SNTG1: variants seen among roughly 807,000 people sequenced by gnomAD.
SNTG1 encodes syntrophin gamma 1, also known as gamma-1-syntrophin.
Under a neutral mutation model 74.7 loss-of-function variants are expected in SNTG1, and 39 were observed. That is an observed-to-expected ratio of 0.52 (90% confidence interval 0.40 to 0.68). The LOEUF is 0.68. SNTG1 is among the 30% of genes least tolerant of loss of function. The pLI, the probability that SNTG1 is intolerant of heterozygous loss-of-function variation, is 0.00. For synonymous variants in SNTG1, 254 were observed against 217.1 expected (o/e 1.17, Z -1.49); for missense variants, 685 against 609.5 (o/e 1.12, Z -1.30).
chr8:50,283,417 C>T (rs2088585739), intron 2 of SNTG1, among the ~76,000 whole-genome samples: 1 of 152,190 alleles, frequency 6.6e-6, no homozygotes, highest in African/African-American at 2.4e-5. Context: ...AAATGATTGT[C>T]TGCAGATGGC....
chr8:50,693,774 A>G (rs73676395), intron 15 of SNTG1, among the ~76,000 whole-genome samples: 2 of 152,180 alleles, frequency 1.3e-5, no homozygotes, highest in Admixed American at 6.5e-5. Context: ...TTCAACCTCA[A>G]TAATATGAAA....
At chr8:50,575,983 T>A (rs2094574587) in intron 12 of SNTG1, among the ~76,000 whole-genome samples, 1 of 152,178 alleles carries the variant, frequency 6.6e-6, no homozygotes, top group South Asian at 2.1e-4. Flanking sequence ...GGGCTCAAAA[T>A]TAGTAGATTT....
At chr8:50,702,248 C>A (rs28647321) in intron 15 of SNTG1, among the ~76,000 whole-genome samples, 1 of 151,938 alleles carries the variant, frequency 6.6e-6, no homozygotes, top group African/African-American at 2.4e-5. Flanking sequence ...GATATTATAA[C>A]CCCAAAACTA....
chr8:50,315,299 T>C (rs1335127737), intron 2 of SNTG1, among the ~76,000 whole-genome samples: 4 of 149,778 alleles, frequency 2.7e-5, no homozygotes, highest in Non-Finnish European at 1.5e-5. Flanking sequence ...ATTGCTTTAC[T>C]GGAGCTAATG....
At chr8:50,035,452 C>T (rs1818075193) in intron 1 of SNTG1, among the ~76,000 whole-genome samples, 1 of 152,158 alleles carries the variant, frequency 6.6e-6, no homozygotes, top group South Asian at 2.1e-4. Context: ...CCCACATATC[C>T]TTATTTTCTG....
chr8:50,122,079 C>A lies in SNTG1; in HGVS notation c.-102-50482C>A, dbSNP rs1302338115. The stretch of plus-strand genomic sequence containing the variant: ...TCAGCACCATGTCCAACCCTCGATG[C>A]CCCCTGCCTTGGTTTAGGGACCCCC... On this transcript the variant is annotated intron_variant, in intron 1 of 18. Transcript: ENST00000642720. Among the ~76,000 whole-genome samples the A allele has an allele frequency of 1.4e-5, 2 of 140,704 alleles. 1 individual carries two copies. The highest frequency in any genetic ancestry group is 3.2e-5 in the Non-Finnish European group (2 of 63,406). 92.3% of individuals were successfully genotyped at this position (140,704 alleles called of 152,430 possible). A position where few individuals can be genotyped will look rare whatever the true frequency, so the allele number is the denominator to read the frequency against.
At position 50,228,867 on chromosome 8, in the gene SNTG1, A is replaced by T. The variant is rs188737216; in HGVS notation, c.-28+56232A>T. Among the ~76,000 whole-genome samples, 5 of 151,896 alleles carry T rather than the reference A, an allele frequency of 3.3e-5. No individual in the cohort carries two copies. The East Asian group carries it at 9.6e-4, about 29-fold the overall frequency. ...AGCACAGGAGGGGGAATACATTAAG[A>T]TATATTTAATGTGTTATTTGTTTAA... is the stretch of plus-strand genomic sequence containing the variant. On this transcript the variant is annotated intron_variant, in intron 2 of 18. Coordinates refer to ENST00000642720, the MANE Select transcript of SNTG1 (RefSeq NM_018967.5).
chr8:50,265,818 TA>T (rs750281440), intron 2 of SNTG1, among the ~76,000 whole-genome samples: 1 of 150,822 alleles, frequency 6.6e-6, no homozygotes, highest in East Asian at 1.9e-4. Context: ...TTAAATGAAA[TA>T]AAAAAACAAT....
intron 2 of SNTG1, among the ~76,000 whole-genome samples, chr8:50,360,506 A>G (rs1049097217): frequency 6.6e-6 from 1 of 152,144 alleles, no homozygotes; most frequent in Non-Finnish European, 1.5e-5. Context: ...TGCATCACTT[A>G]AGGACAGGGA....
chr8:50,176,155 G>A (rs1281239640), intron 2 of SNTG1, among the ~76,000 whole-genome samples: 1 of 151,990 alleles, frequency 6.6e-6, no homozygotes, highest in Non-Finnish European at 1.5e-5. Context: ...GTGTGTTTTG[G>A]GGATGTCTGA....
chr8:50,481,414 G>A (rs1239809144), intron 8 of SNTG1, among the ~76,000 whole-genome samples: 1 of 152,094 alleles, frequency 6.6e-6, no homozygotes, highest in Non-Finnish European at 1.5e-5. Context: ...AACATACAGT[G>A]TAAAGTATTA....
At chr8:50,577,087 TTGAG>T (rs2094580865) in intron 12 of SNTG1, among the ~76,000 whole-genome samples, 1 of 152,194 alleles carries the variant, frequency 6.6e-6, no homozygotes, top group African/African-American at 2.4e-5. Context: ...TCTTCTACCA[TTGAG>T]TATGATATTC....
intron 2 of SNTG1, among the ~76,000 whole-genome samples, chr8:50,177,275 CAT>C (rs2083033896): frequency 6.6e-6 from 1 of 152,130 alleles, no homozygotes; most frequent in Non-Finnish European, 1.5e-5. Context: ...CCCTCTTGTT[CAT>C]ATGACTTTCC....
intron 2 of SNTG1, among the ~76,000 whole-genome samples, chr8:50,214,862 G>C (rs934411388): frequency 2.6e-5 from 4 of 152,136 alleles, no homozygotes; most frequent in African/African-American, 7.2e-5. Context: ...TGACAAAGCT[G>C]AGGATACTAT....
At chr8:50,446,648 A>C (rs997741456) in intron 5 of SNTG1, among the ~76,000 whole-genome samples, 1 of 152,162 alleles carries the variant, frequency 6.6e-6, no homozygotes, top group African/African-American at 2.4e-5. Context: ...ATTGCACTCC[A>C]GCCTGTGAAC....
At chr8:50,568,024 G>A (rs1042670317) in intron 12 of SNTG1, among the ~76,000 whole-genome samples, 8 of 151,884 alleles carry the variant, frequency 5.3e-5, no homozygotes, top group African/African-American at 1.9e-4. Context: ...CCCAGGTTCT[G>A]GTAACCAATA....
At chr8:50,168,370 C>T (rs1355389783) in intron 1 of SNTG1, among the ~76,000 whole-genome samples, 2 of 152,056 alleles carry the variant, frequency 1.3e-5, no homozygotes, top group African/African-American at 2.4e-5. Context: ...ATATTACTGC[C>T]ATTAAGTAAC....
chr8:50,705,669 C>T (rs2095441135), intron 16 of SNTG1, among the ~76,000 whole-genome samples: 1 of 151,950 alleles, frequency 6.6e-6, no homozygotes, highest in Non-Finnish European at 1.5e-5. Flanking sequence ...ATTATCTTAT[C>T]ATGTGCCAAC....
chr8:50,328,294 G>C (rs182315322), intron 2 of SNTG1, among the ~76,000 whole-genome samples: 1 of 152,284 alleles, frequency 6.6e-6, no homozygotes, highest in East Asian at 1.9e-4. Context: ...AATTTTGCAA[G>C]ATTCAGAGTA....
Sources: gnomAD v4.1 joint callset for allele counts (sites outside exome capture counted in the v4.1 genomes callset) on GRCh38, gnomAD v4.1.1 for gene constraint, MANE v1.5 for transcripts, NCBI Gene and HGNC (gene_info 2026-07-23, HGNC 2026-07-21) for gene names.